OTOGL: variants seen among roughly 807,000 people sequenced by gnomAD.
The protein encoded by OTOGL is otogelin like.
A neutral mutation model predicts 318.5 loss-of-function variants in OTOGL; 285 were observed. The observed-to-expected ratio is 0.89, with a 90% confidence interval of 0.81 to 0.99. The LOEUF is 0.99. OTOGL is among the 50% of genes least tolerant of loss of function. OTOGL has a pLI of 0.00. For missense variants in OTOGL, 2,899 were observed against 2,845.6 expected (o/e 1.02, Z -0.43); for synonymous variants, 987 against 936.5 (o/e 1.05, Z -0.99).
rs188969694 is a variant in OTOGL at position 80,258,964 on chromosome 12, G to T, written c.1889+962G>T. Among the ~76,000 whole-genome samples, 346 of 152,082 alleles carry T rather than the reference G, an allele frequency of 2.3e-3. 4 individuals carry two copies. Among genetic ancestry groups the T allele is most frequent in the African/African-American group, 8.0e-3 (331 of 41,490 alleles). On this transcript the variant is annotated intron_variant, in intron 18 of 58. Transcript: ENST00000547103. ...ATTGCTAAGAGAGTAGATATTAAAA[G>T]TTCTCACAGCAAAAAATAAGAATGT...
In OTOGL at chr12:80,323,764, A is replaced by C; in HGVS notation, c.4123A>C (p.Arg1375=). ...GCCTTACAGGAAGATGTGTGAATGGAGATATGAACCTTGTGCTACACCCTG... is the reference window on the plus strand; with the variant it reads ...GCCTTACAGGAAGATGTGTGAATGGCGATATGAACCTTGTGCTACACCCTG... The part of the protein sequence containing the change: ...AVPYRKMCEW[R]YEPCATPCFK... The change falls in exon 35 of 59, where the codon AGA becomes CGA. Residue 1375 remains arginine (R), a synonymous_variant. Coordinates refer to ENST00000547103, the MANE Select transcript of OTOGL (RefSeq NM_001378609.3). 1.2e-6 allele frequency: 2 copies of C among 1,613,932 alleles called. No homozygotes were observed. The highest frequency in any genetic ancestry group is 1.7e-6 in the Non-Finnish European group (2 of 1,179,824).
intron 37 of OTOGL, among the ~76,000 whole-genome samples, chr12:80,330,837 G>A (rs1253798298): frequency 6.6e-6 from 1 of 152,110 alleles, no homozygotes; most frequent in African/African-American, 2.4e-5. Context: ...TACTAGCCAT[G>A]AACAATCTGA....
intron 1 of OTOGL, among the ~76,000 whole-genome samples, chr12:80,115,491 TG>T (rs1267837676): frequency 6.6e-6 from 1 of 152,074 alleles, no homozygotes; most frequent in African/African-American, 2.4e-5. Context: ...AGGAAGTGTC[TG>T]GGAAGTGTCT....
intron 1 of OTOGL, among the ~76,000 whole-genome samples, chr12:80,153,448 A>T (rs1359588298): frequency 6.6e-6 from 1 of 152,178 alleles, no homozygotes; most frequent in Non-Finnish European, 1.5e-5. Context: ...GACACATTTA[A>T]TCTATACCTT....
chr12:80,353,336 C>A lies in OTOGL; in HGVS notation c.5419C>A (p.Pro1807Thr), dbSNP rs751445286. The A allele has an allele frequency of 6.4e-6, 10 of 1,554,416 alleles. No individual in the cohort carries two copies. In the African/African-American group the frequency reaches 1.1e-4, roughly 17 times the overall value. The change falls in exon 46 of 59, where the codon CCA becomes ACA. Residue 1807 changes from proline (P) to threonine (T), a missense_variant. Around this residue, in one of 3 missense-constraint regions of OTOGL, gnomAD observed 2,607 missense variants for 2,524.9 expected, o/e 1.03. Coordinates refer to ENST00000547103, the MANE Select transcript of OTOGL (RefSeq NM_001378609.3). ...CCTATTCTTCAAAGCCCTGAGTTGC[C>A]CAGAGGGGAAGGAATATCAACCCTG... ...RTPDYCSLSCPEGKEYQPCVR... is the reference protein window; with the variant it reads ...RTPDYCSLSCTEGKEYQPCVR...
At chr12:80,158,708 T>C (rs1423939791) in intron 1 of OTOGL, among the ~76,000 whole-genome samples, 1 of 152,108 alleles carries the variant, frequency 6.6e-6, no homozygotes, top group Non-Finnish European at 1.5e-5. Context: ...TCTGAATTCA[T>C]TTATCAGTTC....
In OTOGL at chr12:80,265,220, A is replaced by G. The variant is rs1366960188; in HGVS notation, c.2224+10A>G. 4 of 1,605,814 alleles carry G rather than the reference A, an allele frequency of 2.5e-6. No individual in the cohort carries two copies. The highest frequency in any genetic ancestry group is 3.4e-6 in the Non-Finnish European group (4 of 1,173,620). On this transcript the variant is annotated intron_variant, in intron 20 of 58. Coordinates refer to ENST00000547103, the MANE Select transcript of OTOGL (RefSeq NM_001378609.3). ...CAGATTTCTTTCTGTGGTGAGTACAATGGCACAGATAAAGACTATCAGATA... is the reference window on the plus strand; with the variant it reads ...CAGATTTCTTTCTGTGGTGAGTACAGTGGCACAGATAAAGACTATCAGATA...
chr12:80,366,398 A>C lies in OTOGL; in HGVS notation c.6268-176A>C, dbSNP rs114073308. The stretch of plus-strand genomic sequence containing the variant: ...GATTGCCCTACAGAAGCTCAGAATC[A>C]AACAATATGATTTTAAAGTGTCTGG... On this transcript the variant is annotated intron_variant, in intron 52 of 58. Transcript: ENST00000547103. 963 of 470,796 alleles carry C rather than the reference A, an allele frequency of 2.0e-3. 7 individuals carry two copies. The highest frequency in any genetic ancestry group is 0.018 in the African/African-American group (889 of 50,692). The allele number at this position is 470,796 out of a possible 1,614,324, so 29.2% of individuals were successfully genotyped here.
At chr12:80,199,074 C>T (rs1397301326) in intron 1 of OTOGL, among the ~76,000 whole-genome samples, 4 of 152,192 alleles carry the variant, frequency 2.6e-5, no homozygotes, top group Non-Finnish European at 4.4e-5. Context: ...TCCTTTGCTT[C>T]AAACTTGCCT....
At position 80,193,374 on chromosome 12, in the gene OTOGL, G is replaced by C. The variant is rs187194649; in HGVS notation, c.-19-16039G>C. Among the ~76,000 whole-genome samples the C allele has an allele frequency of 9.2e-5, 14 of 152,118 alleles. No individual in the cohort carries two copies. The East Asian group carries it at 1.9e-3, about 21-fold the overall frequency. ...GTACTAAAAATACAAAAGTTAGCTG[G>C]GCATGGTGGTGCATGCCTGTAGTCC... On this transcript the variant is annotated intron_variant, in intron 1 of 58. Coordinates refer to ENST00000547103, the MANE Select transcript of OTOGL (RefSeq NM_001378609.3).
At chr12:80,112,705 C>CTTTTTTTTTTTT (rs546093754) in intron 1 of OTOGL, among the ~76,000 whole-genome samples, 18 of 128,640 alleles carry the variant, frequency 1.4e-4, no homozygotes, top group Non-Finnish European at 2.3e-4. Flanking sequence ...CTGAAATTTT[C>CTTTTTTTTTTTT]TTTCTTTTTT....
intron 57 of OTOGL, among the ~76,000 whole-genome samples, chr12:80,374,758 A>G (rs548804615): frequency 6.6e-6 from 1 of 152,114 alleles, no homozygotes; most frequent in South Asian, 2.1e-4. Context: ...CATGTTAATT[A>G]TTAGGGAAGT....
At chr12:80,275,688 A>G (rs74448459) in intron 24 of OTOGL, among the ~76,000 whole-genome samples, 1,941 of 151,900 alleles carry the variant, frequency 0.013, 40 homozygotes, top group African/African-American at 0.044. Context: ...CAATGTGGCA[A>G]ACTTCACTGT....
intron 1 of OTOGL, among the ~76,000 whole-genome samples, chr12:80,108,050 G>A (rs1486206724): frequency 5.3e-5 from 8 of 152,044 alleles, no homozygotes; most frequent in East Asian, 1.9e-4. Flanking sequence ...CCCATGACAC[G>A]CAGTTTACCT....
At chr12:80,124,925 A>G (rs1431001982) in intron 1 of OTOGL, among the ~76,000 whole-genome samples, 1 of 152,202 alleles carries the variant, frequency 6.6e-6, no homozygotes, top group Non-Finnish European at 1.5e-5. Flanking sequence ...TTATCAGCTG[A>G]AGGAGATTTT....
In OTOGL at chr12:80,352,413, A is replaced by G. The variant is rs768151867; in HGVS notation, c.5384A>G (p.Gln1795Arg). 3.1e-6 allele frequency: 5 copies of G among 1,607,712 alleles called. No homozygotes were observed. The highest frequency in any genetic ancestry group is 4.2e-6 in the Non-Finnish European group (5 of 1,177,594). ...TGCAACAAGTTTGATATCTGTATTCAGTGGAGAACACCTGATTACTGCTGT... is the reference window on the plus strand; with the variant it reads ...TGCAACAAGTTTGATATCTGTATTCGGTGGAGAACACCTGATTACTGCTGT... ...ALCNKFDICI[Q>R]WRTPDYCSLS... Residue 1795 changes from glutamine (Q) to arginine (R), a missense_variant, in exon 45 of 59, where the codon CAG (glutamine) becomes CGG (arginine). Gln to Arg is a conservative substitution (Grantham distance 43). Around this residue, in one of 3 missense-constraint regions of OTOGL, gnomAD observed 2,607 missense variants for 2,524.9 expected, o/e 1.03. Coordinates refer to ENST00000547103, the MANE Select transcript of OTOGL (RefSeq NM_001378609.3).
At chr12:80,143,474 A>G (rs559953745) in intron 1 of OTOGL, among the ~76,000 whole-genome samples, 367 of 152,198 alleles carry the variant, frequency 2.4e-3, no homozygotes, top group African/African-American at 8.4e-3. Context: ...CATTAATTGG[A>G]AAGTGTTCTT....
In OTOGL at chr12:80,267,450, G is replaced by A. The variant is rs548618704; in HGVS notation, c.2465+123G>A. ...AAGTTCTAGGGTATATGTGTACAAC[G>A]TGCAGGTTTGTTACGTATGTATACA... On this transcript the variant is annotated intron_variant, in intron 22 of 58. Coordinates refer to ENST00000547103, the MANE Select transcript of OTOGL (RefSeq NM_001378609.3). 8.7e-4 allele frequency: 314 copies of A among 362,796 alleles called. 1 individual carries two copies. The highest frequency in any genetic ancestry group is 2.4e-3 in the Middle Eastern group (2 of 818). The allele number at this position is 362,796 out of a possible 1,614,324, so 22.5% of individuals were successfully genotyped here.
At chr12:80,361,383 T>G (rs1890230348) in intron 52 of OTOGL, among the ~76,000 whole-genome samples, 1 of 152,146 alleles carries the variant, frequency 6.6e-6, no homozygotes, top group Non-Finnish European at 1.5e-5. Flanking sequence ...CATTCATCCT[T>G]TGGTGGACAC....
Sources: allele counts gnomAD v4.1 joint callset (sites outside exome capture counted in the v4.1 genomes callset), GRCh38; gene constraint gnomAD v4.1.1; regional missense constraint gnomAD v4.1.1; transcripts MANE v1.5; gene names NCBI Gene and HGNC (gene_info 2026-07-23, HGNC 2026-07-21).